Variants in STARD9 observed in about 807,000 individuals in gnomAD.
STARD9 encodes the protein stAR-related lipid transfer protein 9.
A neutral mutation model predicts 399.8 loss-of-function variants in STARD9; 346 were observed. The observed-to-expected ratio is 0.87, with a 90% CI of 0.79 to 0.95. The LOEUF (loss-of-function observed/expected upper bound fraction) is 0.95. Among genes scored for constraint, STARD9 ranks in the 40% least tolerant of loss-of-function variants. STARD9 has a pLI of 0.00. For synonymous variants in STARD9, 2,203 were observed against 2,143.5 expected, an observed-to-expected ratio of 1.03 and a Z score of -0.77; for missense variants, 5,832 against 5,667.5, an observed-to-expected ratio of 1.03 and a Z score of -0.93.
chr15:42,614,670 A>G (rs181994761), intron 3 of STARD9, among the ~76,000 whole-genome samples: 11 of 152,240 alleles, frequency 7.2e-5, no homozygotes, highest in Admixed American at 7.2e-4. Flanking sequence ...TTACTCTATA[A>G]AAATAAAAAC....
intron 7 of STARD9, among the ~76,000 whole-genome samples, chr15:42,647,445 G>T (rs890635356): frequency 6.6e-6 from 1 of 152,060 alleles, no homozygotes; most frequent in Non-Finnish European, 1.5e-5. Context: ...AATTAGAATT[G>T]TTAAAACTTC....
chr15:42,660,875 A>G (rs1435465363), intron 9 of STARD9, among the ~76,000 whole-genome samples: 2 of 151,894 alleles, frequency 1.3e-5, no homozygotes, highest in Non-Finnish European at 2.9e-5. Flanking sequence ...TCCTGATGCC[A>G]CTGAAAGTTG....
Position 42,674,883 on chromosome 15 carries a change from G to A in STARD9, c.1606G>A (p.Val536Ile), listed in dbSNP as rs1170179472. Reference protein sequence around the residue: ...DHCTITSACGVVVLRPARGAR... With the variant: ...DHCTITSACGIVVLRPARGAR... ...CTGCACTATCACCAGTGCCTGTGGT[G>A]TAGTTGTTCTACGACCTGCCCGTGG... Residue 536 changes from valine (V) to isoleucine (I), a missense_variant, in exon 18 of 33, where the codon GTA (valine) becomes ATA (isoleucine). By Grantham distance (29) the Val-to-Ile change is conservative (BLOSUM62 3). Transcript: ENST00000290607. The A allele has an allele frequency of 3.3e-6, 5 of 1,536,966 alleles. No homozygotes were observed. The highest frequency in any genetic ancestry group is 2.4e-5 in the East Asian group (1 of 40,930).
intron 3 of STARD9, among the ~76,000 whole-genome samples, chr15:42,612,969 G>A (rs1486930759): frequency 2.1e-5 from 3 of 141,326 alleles, no homozygotes; most frequent in South Asian, 2.3e-4. Flanking sequence ...GGGCAACAGA[G>A]CGAGACTATG....
chr15:42,693,959 G>GC lies in STARD9; in HGVS notation c.12382dup (p.His4128ProfsTer13), dbSNP rs778334162. 6.6e-7 allele frequency: 1 copy of GC among 1,504,818 alleles called. No individual in the cohort carries two copies. Among genetic ancestry groups the GC allele is most frequent in the South Asian group, 1.3e-5 (1 of 78,916 alleles). 93.2% of individuals were successfully genotyped at this position (1,504,818 alleles called of 1,614,324 possible). ...GTTGCCAGATGTGCATGGCCCCTGAGCACCAGCACCACAGTCTGAGGGACC... is the reference window on the plus strand; with the variant it reads ...GTTGCCAGATGTGCATGGCCCCTGAGCCACCAGCACCACAGTCTGAGGGACC... On this transcript the variant is annotated frameshift_variant, in exon 23 of 33. Transcript: ENST00000290607. LOFTEE classifies it high-confidence loss of function.
chr15:42,598,763 T>G (rs1490989363), intron 3 of STARD9, among the ~76,000 whole-genome samples: 2 of 152,202 alleles, frequency 1.3e-5, no homozygotes, highest in African/African-American at 2.4e-5. Flanking sequence ...AAATTATCAT[T>G]AGTTGTAATT....
At position 42,669,335 on chromosome 15, in the gene STARD9, A is replaced by C; in HGVS notation, c.1495A>C (p.Lys499Gln). The C allele has an allele frequency of 6.6e-7, 1 of 1,512,210 alleles. No individual in the cohort carries two copies. The highest frequency in any genetic ancestry group is 8.9e-7 in the Non-Finnish European group (1 of 1,126,684). 93.7% of individuals were successfully genotyped at this position (1,512,210 alleles called of 1,614,324 possible). A position where few individuals can be genotyped will look rare whatever the true frequency, so the allele number is the denominator to read the frequency against. The change falls in exon 16 of 33, where the codon AAG (lysine) becomes CAG (glutamine). Residue 499 changes from lysine (K) to glutamine (Q), a missense_variant and splice_region_variant. Lys to Gln is a moderately conservative substitution (Grantham distance 53). This residue lies in a region of STARD9 where 5,828 missense variants were observed against 5,651.1 expected (regional missense o/e 1.03). Transcript: ENST00000290607. ...LSTGVVLYHL[K>Q]EGTTKIGRID... Reference sequence around the variant, plus strand: ...CACAGGTGTTGTGCTCTATCATCTCAAGGTGAGGAGGCTAGTGTATCCTTT... The same window carrying C: ...CACAGGTGTTGTGCTCTATCATCTCCAGGTGAGGAGGCTAGTGTATCCTTT...
At chr15:42,682,632 C>A in intron 22 of STARD9, 57 bp downstream of exon 22, 1 of 1,392,868 alleles carries the variant, frequency 7.2e-7, no homozygotes, top group Non-Finnish European at 9.5e-7. Flanking sequence ...ACCTTCTTGC[C>A]CAGGTAGTTT....
In STARD9 at chr15:42,687,936, A is replaced by G; in HGVS notation, c.6358A>G (p.Thr2120Ala). Residue 2120 changes from threonine to alanine, a missense_variant, in exon 23 of 33, where the codon ACA becomes GCA. By Grantham distance (58) the Thr-to-Ala change is moderately conservative (BLOSUM62 0). Coordinates refer to ENST00000290607, the MANE Select transcript of STARD9 (RefSeq NM_020759.3). Reference protein sequence around the residue: ...SKDQPSSPRQTDDTVFRDSEA... With the variant: ...SKDQPSSPRQADDTVFRDSEA... ...GGATCAGCCATCTTCTCCAAGACAGACAGATGATACTGTCTTTAGGGATAG... is the reference window on the plus strand; with the variant it reads ...GGATCAGCCATCTTCTCCAAGACAGGCAGATGATACTGTCTTTAGGGATAG... 1.3e-6 allele frequency: 2 copies of G among 1,537,324 alleles called. No homozygotes were observed. Among genetic ancestry groups the G allele is most frequent in the South Asian group, 1.2e-5 (1 of 84,068 alleles).
At chr15:42,614,188 G>A (rs1176927934) in intron 3 of STARD9, among the ~76,000 whole-genome samples, 1 of 151,652 alleles carries the variant, frequency 6.6e-6, no homozygotes, top group African/African-American at 2.4e-5. Flanking sequence ...GTGGGCGCCT[G>A]TACTCCCAAT....
Position 42,684,132 on chromosome 15 carries a change from G to T in STARD9, c.2554G>T (p.Asp852Tyr). Residue 852 changes from aspartate to tyrosine, a missense_variant, in exon 23 of 33, where the codon GAT (aspartate) becomes TAT (tyrosine). Asp to Tyr is a radical substitution (Grantham distance 160). Transcript: ENST00000290607. The stretch of plus-strand genomic sequence containing the variant: ...TCTTCACAGCATTTTCCTAAGTTGG[G>T]ATCCCTCTACCACATTGCCACCTAG... ...PQLHSIFLSW[D>Y]PSTTLPPRPD... The T allele has an allele frequency of 1.3e-6, 2 of 1,528,140 alleles. No individual in the cohort carries two copies. Among genetic ancestry groups the T allele is most frequent in the Non-Finnish European group, 1.8e-6 (2 of 1,139,880 alleles). 94.7% of individuals were successfully genotyped at this position (1,528,140 alleles called of 1,614,324 possible). A position where few individuals can be genotyped will look rare whatever the true frequency, so the allele number is the denominator to read the frequency against.
chr15:42,603,008 T>C (rs533281819), intron 3 of STARD9, among the ~76,000 whole-genome samples: 56 of 152,338 alleles, frequency 3.7e-4, no homozygotes, highest in African/African-American at 1.3e-3. Flanking sequence ...TTGCTGCTAC[T>C]TGCTGCTCTT....
intron 16 of STARD9, 73 bp from the exon 17 acceptor site, chr15:42,674,367 A>T: frequency 1.7e-6 from 2 of 1,175,744 alleles, no homozygotes; most frequent in Non-Finnish European, 1.2e-6. Flanking sequence ...AGAATATTCT[A>T]ATGTGGACTC....
intron 3 of STARD9, among the ~76,000 whole-genome samples, chr15:42,606,033 A>G (rs2058716235): frequency 6.6e-6 from 1 of 152,230 alleles, no homozygotes; most frequent in Non-Finnish European, 1.5e-5. Flanking sequence ...AGGGTTTGGA[A>G]AAGTTGTACT....
chr15:42,576,100 C>T (rs2058049798), intron 1 of STARD9, among the ~76,000 whole-genome samples: 1 of 152,148 alleles, frequency 6.6e-6, no homozygotes, highest in Non-Finnish European at 1.5e-5. Context: ...GAGCATTCTC[C>T]TCTCTCTTTC....
chr15:42,714,455 TATTA>T (rs1329988989), intron 26 of STARD9, among the ~76,000 whole-genome samples: 7 of 152,370 alleles, frequency 4.6e-5, no homozygotes, highest in South Asian at 2.1e-4. Flanking sequence ...TAGTTCATAG[TATTA>T]ATTCATTTAT....
At chr15:42,590,392 C>G (rs1371844471) in intron 3 of STARD9, among the ~76,000 whole-genome samples, 1 of 152,174 alleles carries the variant, frequency 6.6e-6, no homozygotes, top group Non-Finnish European at 1.5e-5. Flanking sequence ...AAAGGAAGGA[C>G]TGCTCAGAAA....
At chr15:42,667,393 C>T (rs1161290209) in intron 15 of STARD9, among the ~76,000 whole-genome samples, 1 of 151,934 alleles carries the variant, frequency 6.6e-6, no homozygotes. Context: ...CCGTGTTGGC[C>T]AGGCTGGTCT....
At chr15:42,615,128 C>T (rs2058935181) in intron 3 of STARD9, among the ~76,000 whole-genome samples, 1 of 151,290 alleles carries the variant, frequency 6.6e-6, no homozygotes, top group Admixed American at 6.6e-5. Flanking sequence ...CCTGCCTCAA[C>T]CTCTGGAGTA....
Sources: gnomAD v4.1 joint callset for allele counts (sites outside exome capture counted in the v4.1 genomes callset) on GRCh38, gnomAD v4.1.1 for gene constraint, gnomAD v4.1.1 regional missense constraint, MANE v1.5 for transcripts, NCBI Gene and HGNC (gene_info 2026-07-23, HGNC 2026-07-21) for gene names.